Variants in NAV2 observed in about 807,000 individuals in gnomAD.
NAV2 encodes neuron navigator 2.
In NAV2, 54 loss-of-function variants were observed where a neutral mutation model predicts 223.2. The observed-to-expected ratio is 0.24, with a 90% confidence interval of 0.19 to 0.30. The LOEUF (loss-of-function observed/expected upper bound fraction) is 0.30, where lower values mean the gene tolerates loss of function less well. Ranked by LOEUF, NAV2 falls within the 10% of genes least tolerant of loss-of-function variation. NAV2 has a pLI of 1.00. For synonymous variants in NAV2, 1,279 were observed against 1,239.3 expected (o/e 1.03, Z -0.67); for missense variants, 2,806 against 3,147.5 (o/e 0.89, Z 2.60).
At chr11:19,971,105 A>G (rs1029899340) in intron 10 of NAV2, among the ~76,000 whole-genome samples, 10 of 152,214 alleles carry the variant, frequency 6.6e-5, no homozygotes, top group Admixed American at 1.3e-4. Context: ...GAAGATAAGC[A>G]CAAGTGTTTT....
chr11:19,632,481 T>C (rs1013008692), intron 1 of NAV2, among the ~76,000 whole-genome samples: 1 of 152,218 alleles, frequency 6.6e-6, no homozygotes, highest in Admixed American at 6.5e-5. Flanking sequence ...TCTTTGATTA[T>C]TCAACGAGCT....
intron 1 of NAV2, among the ~76,000 whole-genome samples, chr11:19,361,872 A>G (rs572064362): frequency 6.6e-6 from 1 of 152,252 alleles, no homozygotes; most frequent in Admixed American, 6.5e-5. Flanking sequence ...TCTTGTCAAC[A>G]CAAGTGAGGT....
rs1590030580 is a variant in NAV2 at position 19,350,785 on chromosome 11, G to A, written c.-168G>A. On this transcript the variant is annotated 5_prime_UTR_variant, in exon 1 of 38. Transcript: ENST00000360655. ...GGCAGTGGTGCCGAGTGAGGTTCCC[G>A]AGTGGATTTTAAGAAGACAGGAAGA... is the stretch of plus-strand genomic sequence containing the variant. The A allele has an allele frequency of 1.1e-5, 7 of 650,242 alleles. No individual in the cohort carries two copies. The East Asian group carries it at 1.4e-4, about 13-fold the overall frequency. 40.3% of individuals were successfully genotyped at this position (650,242 alleles called of 1,614,324 possible).
intron 35 of NAV2, among the ~76,000 whole-genome samples, chr11:20,105,977 G>A (rs956365050): frequency 6.6e-6 from 1 of 150,712 alleles, no homozygotes; most frequent in African/African-American, 2.4e-5. Context: ...CCACCTCAAG[G>A]TTCCCCCAAG....
intron 1 of NAV2, among the ~76,000 whole-genome samples, chr11:19,535,180 G>A (rs886497373): frequency 6.6e-6 from 1 of 152,290 alleles, no homozygotes; most frequent in African/African-American, 2.4e-5. Context: ...AGGAGATCAG[G>A]TGAGACAGGA....
intron 27 of NAV2, among the ~76,000 whole-genome samples, chr11:20,091,534 T>C (rs929822711): frequency 6.6e-6 from 1 of 152,184 alleles, no homozygotes; most frequent in Non-Finnish European, 1.5e-5. Context: ...CTTATCTGAG[T>C]ATTCCTGTAG....
chr11:19,499,155 G>A (rs1333135190), intron 1 of NAV2, among the ~76,000 whole-genome samples: 1 of 152,184 alleles, frequency 6.6e-6, no homozygotes, highest in African/African-American at 2.4e-5. Context: ...CCACCTGTGT[G>A]GGCTGATTTA....
intron 22 of NAV2, among the ~76,000 whole-genome samples, chr11:20,071,721 C>T (rs144469312): frequency 0.15 from 22,569 of 152,086 alleles, 1,844 homozygotes; most frequent in African/African-American, 0.18. Context: ...TTGTTGGCTG[C>T]ATAAATGTCT....
intron 36 of NAV2, among the ~76,000 whole-genome samples, chr11:20,109,306 C>A (rs981103110): frequency 1.3e-5 from 2 of 151,968 alleles, no homozygotes; most frequent in African/African-American, 4.8e-5. Context: ...AGGAAAAAAG[C>A]AAGAAATTAG....
intron 10 of NAV2, among the ~76,000 whole-genome samples, chr11:19,958,994 C>G (rs1023202037): frequency 6.6e-6 from 1 of 152,202 alleles, no homozygotes; most frequent in African/African-American, 2.4e-5. Flanking sequence ...TTAAACTCAG[C>G]CTGATGTGGG....
chr11:20,078,877 A>G (rs1376853848), intron 24 of NAV2, among the ~76,000 whole-genome samples: 1 of 152,212 alleles, frequency 6.6e-6, no homozygotes. Flanking sequence ...CAGAAGTAAT[A>G]TGGAGAGCTA....
At chr11:19,811,422 A>C (rs1004022547) in intron 1 of NAV2, among the ~76,000 whole-genome samples, 2 of 152,186 alleles carry the variant, frequency 1.3e-5, no homozygotes, top group African/African-American at 4.8e-5. Flanking sequence ...TTTCATGCTC[A>C]CAATGAAGGT....
At chr11:19,878,214 G>A (rs78433098) in intron 4 of NAV2, among the ~76,000 whole-genome samples, 6,477 of 152,230 alleles carry the variant, frequency 0.043, 402 homozygotes, top group African/African-American at 0.14. Flanking sequence ...TCTCAGAAGC[G>A]TCATAGTTAG....
intron 10 of NAV2, among the ~76,000 whole-genome samples, chr11:19,969,738 C>T (rs917171980): frequency 6.6e-6 from 1 of 151,858 alleles, no homozygotes; most frequent in African/African-American, 2.4e-5. Flanking sequence ...GTCAGGAGAT[C>T]GAGACCATTG....
At chr11:19,555,556 C>T (rs1590511282) in intron 1 of NAV2, among the ~76,000 whole-genome samples, 4 of 152,230 alleles carry the variant, frequency 2.6e-5, no homozygotes, top group Admixed American at 2.6e-4. Context: ...CATGGGGAGG[C>T]CTTATTGAAG....
At chr11:19,997,691 C>T (rs1240620997) in intron 11 of NAV2, among the ~76,000 whole-genome samples, 1 of 152,136 alleles carries the variant, frequency 6.6e-6, no homozygotes. Flanking sequence ...TGAATTCTAA[C>T]TTAGGGCTGT....
In NAV2 at chr11:19,356,584, G is replaced by A. The variant is rs145897825; in HGVS notation, c.75+5557G>A. Among the ~76,000 whole-genome samples the A allele has an allele frequency of 4.9e-3, 751 of 152,274 alleles. 1 individual carries two copies. Among genetic ancestry groups the A allele is most frequent in the Non-Finnish European group, 8.1e-3 (551 of 68,028 alleles). On this transcript the variant is annotated intron_variant, in intron 1 of 37. Transcript: ENST00000360655. ...AGGACTTCTCTGGAGGAGGGGGAAC[G>A]TGAGCTCTGCCTATAAGGGGCCAAG...
chr11:19,603,059 C>T (rs1565091758), intron 1 of NAV2, among the ~76,000 whole-genome samples: 1 of 152,158 alleles, frequency 6.6e-6, no homozygotes, highest in Non-Finnish European at 1.5e-5. Context: ...GCAGAGGGTT[C>T]ACTGATGGCA....
rs562012403 is a variant in NAV2, at chr11:19,462,602, C to T, written c.75+111575C>T. Among the ~76,000 whole-genome samples, 271 of 152,278 alleles carry T rather than the reference C, an allele frequency of 1.8e-3. 2 individuals are homozygous for T. The highest frequency in any genetic ancestry group is 4.5e-3 in the Admixed American group (69 of 15,306). ...TCATCTCCAAGTCATATATAAACTG[C>T]CTGAGATAGAAGAAGCACTGGAGCT... On this transcript the variant is annotated intron_variant, in intron 1 of 37. Coordinates refer to the NAV2 transcript ENST00000360655.
Sources: allele counts gnomAD v4.1 joint callset (sites outside exome capture counted in the v4.1 genomes callset), GRCh38; gene constraint gnomAD v4.1.1; transcripts MANE v1.5; gene names NCBI Gene and HGNC (gene_info 2026-07-23, HGNC 2026-07-21).